EXOG: variants seen among roughly 807,000 people sequenced by gnomAD.
EXOG encodes exo/endonuclease G, also known as nuclease EXOG, mitochondrial.
A neutral mutation model predicts 25.8 loss-of-function variants in EXOG; 27 were observed. That is an observed-to-expected ratio of 1.05 (90% CI 0.77 to 1.45). The LOEUF (loss-of-function observed/expected upper bound fraction) is 1.45. Among genes scored for constraint, EXOG ranks in the 40% most tolerant of loss-of-function variants. The pLI is 0.00. For missense variants in EXOG, 458 were observed against 450.5 expected (o/e 1.02, Z -0.15); for synonymous variants, 133 against 167.0 (o/e 0.80, Z 1.57).
At chr3:38,497,604 C>CTTTTTT in intron 1 of EXOG, 25 bp from the exon 2 acceptor site, 1 of 1,412,228 alleles carries the variant, frequency 7.1e-7, no homozygotes, top group South Asian at 1.4e-5. Context: ...TCTGCCCCCC[C>CTTTTTT]TTTTTTTTTT....
At chr3:38,504,173 G>T (rs1010560861) in intron 4 of EXOG, among the ~76,000 whole-genome samples, 1 of 152,070 alleles carries the variant, frequency 6.6e-6, no homozygotes, top group African/African-American at 2.4e-5. Flanking sequence ...TTTGAGACTG[G>T]CCTGGGACAT....
At position 38,524,094 on chromosome 3, in the gene EXOG, T is replaced by G. The variant is rs1306488810; in HGVS notation, c.839T>G (p.Phe280Cys). 1 of 1,614,108 alleles carries G rather than the reference T, an allele frequency of 6.2e-7. No homozygotes were observed. The highest frequency in any genetic ancestry group is 1.1e-5 in the South Asian group (1 of 91,068). The part of the protein sequence containing the change: ...QDLEKLSGLV[F>C]FPHLDRTSDI... ...CTAGAGAAGTTGTCAGGACTGGTGT[T>G]TTTTCCTCATTTGGATAGAACTAGT... Residue 280 changes from phenylalanine to cysteine, a missense_variant, in exon 6 of 6, where the codon TTT (phenylalanine) becomes TGT (cysteine). Phe to Cys is a radical substitution (Grantham distance 205). Transcript: ENST00000287675.
At chr3:38,499,343 C>T (rs2059980294) in intron 2 of EXOG, among the ~76,000 whole-genome samples, 2 of 152,172 alleles carry the variant, frequency 1.3e-5, no homozygotes, top group South Asian at 4.1e-4. Flanking sequence ...TAACAGGAGG[C>T]TTGGAATGTA....
At chr3:38,520,395 T>C (rs2060678622) in intron 5 of EXOG, among the ~76,000 whole-genome samples, 1 of 152,270 alleles carries the variant, frequency 6.6e-6, no homozygotes. Context: ...GGGAATTTAA[T>C]AGCAGCAAGG....
chr3:38,517,290 G>A (rs1438050193), intron 5 of EXOG, among the ~76,000 whole-genome samples: 2 of 152,192 alleles, frequency 1.3e-5, no homozygotes, highest in African/African-American at 4.8e-5. Flanking sequence ...GAGTTTTAAT[G>A]TTTACTGTGA....
chr3:38,506,040 G>C (rs1309810342), intron 4 of EXOG, among the ~76,000 whole-genome samples: 3 of 149,734 alleles, frequency 2.0e-5, no homozygotes, highest in Non-Finnish European at 4.4e-5. Context: ...TGCCATTTGG[G>C]CACCTGTAAT....
At chr3:38,506,016 A>G (rs1395160107) in intron 4 of EXOG, among the ~76,000 whole-genome samples, 1 of 151,546 alleles carries the variant, frequency 6.6e-6, no homozygotes, top group Non-Finnish European at 1.5e-5. Flanking sequence ...ATGAAAGTAC[A>G]TATTACAACT....
At position 38,497,688 on chromosome 3, in the gene EXOG, A is replaced by G; in HGVS notation, c.223A>G (p.Arg75Gly). 1 of 1,609,870 alleles carries G rather than the reference A, an allele frequency of 6.2e-7. No homozygotes were observed. Among genetic ancestry groups the G allele is most frequent in the Non-Finnish European group, 8.5e-7 (1 of 1,179,090 alleles). Residue 75 changes from arginine to glycine, a missense_variant, in exon 2 of 6, where the codon AGG becomes GGG. Physicochemically the swap from Arg to Gly is moderately radical, Grantham distance 125 (BLOSUM62 -2). This residue lies in a region of EXOG where 275 missense variants were observed against 230.5 expected (regional missense o/e 1.19). Transcript: ENST00000287675. ...FGFPLTGTEA[R>G]CYTNHALSYD... is the part of the protein sequence containing the mutation. ...ATTCCCTTTAACTGGAACAGAGGCA[A>G]GGTGTTACACTAATCACGCTTTGTC...
At chr3:38,508,711 A>ACC (rs10657688) in intron 5 of EXOG, among the ~76,000 whole-genome samples, 7,251 of 131,846 alleles carry the variant, frequency 0.055, 402 homozygotes, top group African/African-American at 0.15. Flanking sequence ...TTGAGGAACC[A>ACC]CCCCCCCCCC....
intron 5 of EXOG, chr3:38,519,249 C>T (rs925528064): frequency 2.6e-5 from 4 of 152,162 alleles, no homozygotes; most frequent in African/African-American, 9.7e-5. Context: ...GAATCACCCC[C>T]TTTATTATAT....
intron 1 of EXOG, 161 bp downstream of exon 1, chr3:38,496,691 T>C (rs1354315455): frequency 6.9e-7 from 1 of 1,440,156 alleles, no homozygotes; most frequent in African/African-American, 1.4e-5. Context: ...TCGGCCTCCC[T>C]TCCCCACCTC....
At chr3:38,499,756 C>A in intron 2 of EXOG, 1 of 426,138 alleles carries the variant, frequency 2.3e-6, no homozygotes, top group African/African-American at 2.1e-5. Flanking sequence ...AGGTATGTGC[C>A]ACTATGCCCA....
Position 38,526,244 on chromosome 3 carries a change from G to C in EXOG, c.*1882G>C. The C allele has an allele frequency of 1.0e-6, 1 of 985,152 alleles. No individual in the cohort carries two copies. Among genetic ancestry groups the C allele is most frequent in the African/African-American group, 1.7e-5 (1 of 57,358 alleles). 61.0% of individuals were successfully genotyped at this position (985,152 alleles called of 1,614,324 possible). A position where few individuals can be genotyped will look rare whatever the true frequency, so the allele number is the denominator to read the frequency against. ...GAGTGGTATTACAAGAAAGATTTTT[G>C]TGGTGTGTTTGTTCTAAGAGAAATG... On this transcript the variant is annotated 3_prime_UTR_variant, in exon 6 of 6. Transcript: ENST00000287675.
Position 38,496,468 on chromosome 3 carries a change from C to T in EXOG, c.101C>T (p.Ala34Val). The T allele has an allele frequency of 6.2e-7, 1 of 1,613,988 alleles. No homozygotes were observed. ...AVVGAAGAGL[A>V]ALQFFRSQGA... ...GTGGGCGCTGCGGGAGCTGGGCTCG[C>T]GGCCCTGCAGTTCTTCCGGAGTCAG... The change falls in exon 1 of 6, where the codon GCG (alanine) becomes GTG (valine). Residue 34 changes from alanine (A) to valine (V), a missense_variant. Ala to Val is a moderately conservative substitution (Grantham distance 64, BLOSUM62 0). This residue lies in a region of EXOG where 275 missense variants were observed against 230.5 expected (regional missense o/e 1.19). Transcript: ENST00000287675.
intron 5 of EXOG, among the ~76,000 whole-genome samples, chr3:38,522,383 G>A (rs1250189575): frequency 6.6e-6 from 1 of 152,266 alleles, no homozygotes; most frequent in Non-Finnish European, 1.5e-5. Context: ...ACTCTTACCA[G>A]GGAAGGGCCC....
chr3:38,516,870 T>C (rs1401596252), intron 5 of EXOG, among the ~76,000 whole-genome samples: 1 of 152,198 alleles, frequency 6.6e-6, no homozygotes, highest in Non-Finnish European at 1.5e-5. Flanking sequence ...GTTTGTCTGT[T>C]GTTTGCTCAT....
chr3:38,507,999 C>T (rs142975770), intron 5 of EXOG, among the ~76,000 whole-genome samples: 267 of 152,126 alleles, frequency 1.8e-3, no homozygotes, highest in African/African-American at 6.0e-3. Context: ...GGTGTGGTGG[C>T]GTGTGCCTGT....
At chr3:38,512,143 A>G (rs2060389190) in intron 5 of EXOG, among the ~76,000 whole-genome samples, 1 of 152,208 alleles carries the variant, frequency 6.6e-6, no homozygotes, top group Non-Finnish European at 1.5e-5. Flanking sequence ...GAAATTAGAT[A>G]CTTACATTAA....
At chr3:38,509,493 G>A (rs1465379964) in intron 5 of EXOG, among the ~76,000 whole-genome samples, 1 of 152,146 alleles carries the variant, frequency 6.6e-6, no homozygotes, top group African/African-American at 2.4e-5. Flanking sequence ...TGCTGAAAAG[G>A]CCCAGAAGAA....
Sources: allele counts gnomAD v4.1 joint callset (sites outside exome capture counted in the v4.1 genomes callset), GRCh38; gene constraint gnomAD v4.1.1; regional missense constraint gnomAD v4.1.1; transcripts MANE v1.5; gene names NCBI Gene and HGNC (gene_info 2026-07-23, HGNC 2026-07-21).